RSPH6A: variants seen among roughly 807,000 people sequenced by gnomAD.
RSPH6A encodes radial spoke head protein 6 homolog A.
Under a neutral mutation model 66.1 loss-of-function variants are expected in RSPH6A, and 49 were observed. The ratio of observed to expected loss-of-function variants is 0.74; its 90% CI spans 0.59 to 0.94. The LOEUF is 0.94. Ranked by LOEUF, RSPH6A falls within the 40% of genes least tolerant of loss-of-function variation. The probability of loss-of-function intolerance (pLI) is 0.00; values close to 1 mark genes in which losing one functional copy is unlikely to be tolerated. For missense variants in RSPH6A, 977 were observed against 948.3 expected (o/e 1.03, Z -0.40); for synonymous variants, 419 against 402.4 (o/e 1.04, Z -0.49).
chr19:45,801,301 C>T (rs534459144), intron 4 of RSPH6A, among the ~76,000 whole-genome samples: 5 of 152,294 alleles, frequency 3.3e-5, no homozygotes, highest in African/African-American at 7.2e-5. Flanking sequence ...ATTCCACTCC[C>T]GAGTTGGTCA....
rs148359614 is a variant in RSPH6A, at chr19:45,812,023, C to T, written c.651-1183G>A. Among the ~76,000 whole-genome samples the T allele has an allele frequency of 3.2e-4, 48 of 148,698 alleles. 1 individual carries two copies. The East Asian group carries it at 8.2e-3, about 25-fold the overall frequency. Reference sequence around the variant, plus strand: ...CTCGAACTCCTGACCTCAGGTGATCCGCCCGTCTTGGCCTCCTAAAGTGCT... The same window carrying T: ...CTCGAACTCCTGACCTCAGGTGATCTGCCCGTCTTGGCCTCCTAAAGTGCT... On this transcript the variant is annotated intron_variant, in intron 1 of 5. Coordinates refer to ENST00000221538, the MANE Select transcript of RSPH6A (RefSeq NM_030785.4).
intron 2 of RSPH6A, among the ~76,000 whole-genome samples, chr19:45,808,298 C>T (rs1970572848): frequency 6.6e-6 from 1 of 152,030 alleles, no homozygotes. Flanking sequence ...CGTGGTGGCA[C>T]AGCCTGTAGT....
At chr19:45,811,494 G>C (rs1970627261) in intron 1 of RSPH6A, among the ~76,000 whole-genome samples, 1 of 151,606 alleles carries the variant, frequency 6.6e-6, no homozygotes, top group African/African-American at 2.4e-5. Flanking sequence ...CTGGAGTGCA[G>C]TGGCACGACC....
Position 45,804,868 on chromosome 19 carries a change from C to A in RSPH6A, c.1037G>T (p.Gly346Val). ...GCTGCGTTTGATTCCCAGGATCTTGCCCCAGAAGCGACAGGTGTGGATGGG... is the reference window on the plus strand; with the variant it reads ...GCTGCGTTTGATTCCCAGGATCTTGACCCAGAAGCGACAGGTGTGGATGGG... ...QQPIHTCRFW[G>V]KILGIKRSYL... The change falls in exon 3 of 6, where the codon GGC becomes GTC. Residue 346 changes from glycine (G) to valine (V), a missense_variant. Transcript: ENST00000221538. The surrounding 1 kb of genome is among the most constrained non-coding windows in gnomAD (Gnocchi z 5.8). 6.2e-7 allele frequency: 1 copy of A among 1,614,218 alleles called. No individual in the cohort carries two copies. The highest frequency in any genetic ancestry group is 8.5e-7 in the Non-Finnish European group (1 of 1,180,040).
chr19:45,796,152 AGACTT>A (rs1261008685), intron 5 of RSPH6A, 46 bp from the exon 6 acceptor site: 29 of 1,356,886 alleles, frequency 2.1e-5, no homozygotes, highest in Non-Finnish European at 2.6e-5. Context: ...CAAAGGCCCC[AGACTT>A]GACTTTTTTT....
chr19:45,805,108 T>A, intron 2 of RSPH6A, 92 bp from the exon 3 acceptor site: 2 of 1,161,142 alleles, frequency 1.7e-6, no homozygotes, highest in Non-Finnish European at 2.4e-6. Context: ...TCAAGAGAGC[T>A]AAAAGAGGCC....
At chr19:45,797,971 C>G (rs547702702) in intron 5 of RSPH6A, among the ~76,000 whole-genome samples, 2 of 152,124 alleles carry the variant, frequency 1.3e-5, no homozygotes, top group Non-Finnish European at 2.9e-5. Flanking sequence ...CGAATTCAGC[C>G]TTTCTGCAGA....
At chr19:45,802,503 A>ATT (rs61325479) in intron 3 of RSPH6A, among the ~76,000 whole-genome samples, 3 of 129,292 alleles carry the variant, frequency 2.3e-5, no homozygotes, top group Non-Finnish European at 3.3e-5. Context: ...CACTCATTGA[A>ATT]TTTTTTTTTT....
In RSPH6A at chr19:45,814,565, G is replaced by A. The variant is rs1970676112; in HGVS notation, c.612C>T (p.Ala204=). ...AATTGATGCTGGTCTGCAGCAGGTA[G>A]GCCTTGGCGTTCTGCACGGCCAGCT... The part of the protein sequence containing the change: ...PLELAVQNAK[A]YLLQTSINCD... Residue 204 remains alanine (A), a synonymous_variant, in exon 1 of 6, where the codon GCC becomes GCT. Transcript: ENST00000221538. The A allele has an allele frequency of 1.3e-6, 2 of 1,533,198 alleles. No homozygotes were observed. The highest frequency in any genetic ancestry group is 1.8e-6 in the Non-Finnish European group (2 of 1,140,178). The allele number at this position is 1,533,198 out of a possible 1,614,324, so 95.0% of individuals were successfully genotyped here. A position where few individuals can be genotyped will look rare whatever the true frequency, so the allele number is the denominator to read the frequency against.
At chr19:45,812,884 C>T (rs1001809807) in intron 1 of RSPH6A, among the ~76,000 whole-genome samples, 2 of 151,716 alleles carry the variant, frequency 1.3e-5, no homozygotes, top group Non-Finnish European at 2.9e-5. Context: ...TTAGTAGAGA[C>T]AGGGTTTTGC....
At position 45,815,268 on chromosome 19, in the gene RSPH6A, AC is replaced by A. The variant is rs1970694188; in HGVS notation, c.-93del. 7.4e-7 allele frequency: 1 copy of A among 1,356,766 alleles called. No homozygotes were observed. Among genetic ancestry groups the A allele is most frequent in the African/African-American group, 1.5e-5 (1 of 68,034 alleles). The allele number at this position is 1,356,766 out of a possible 1,614,324, so 84.0% of individuals were successfully genotyped here. A position where few individuals can be genotyped will look rare whatever the true frequency, so the allele number is the denominator to read the frequency against. On this transcript the variant is annotated 5_prime_UTR_variant, in exon 1 of 6. Coordinates refer to ENST00000221538, the MANE Select transcript of RSPH6A (RefSeq NM_030785.4). ...CTGTCGACACCGCCGGTTTCTGAGC[AC>A]CGAGAGAGGGGGCCGTTACCCGTGG...
At chr19:45,806,762 C>T (rs976447557) in intron 2 of RSPH6A, among the ~76,000 whole-genome samples, 10 of 147,004 alleles carry the variant, frequency 6.8e-5, no homozygotes, top group African/African-American at 2.2e-4. Flanking sequence ...GTGTAATGTA[C>T]ATCTGCACGG....
chr19:45,813,256 C>T (rs1970651158), intron 1 of RSPH6A, among the ~76,000 whole-genome samples: 1 of 152,132 alleles, frequency 6.6e-6, no homozygotes, highest in African/African-American at 2.4e-5. Context: ...CTGGCTCACT[C>T]TTCCTCCGGT....
Position 45,795,963 on chromosome 19 carries a change from T to A in RSPH6A, c.2060A>T (p.Gln687Leu). The change falls in exon 6 of 6, where the codon CAG (glutamine) becomes CTG (leucine). Residue 687 changes from glutamine (Q) to leucine (L), a missense_variant. Transcript: ENST00000221538. ...EMSDPTVEEEQALKAAQEQAL... is the reference protein window; with the variant it reads ...EMSDPTVEEELALKAAQEQAL... ...TTGTTCCTGGGCTGCTTTCAGAGCCTGCTCCTCTTCCACTGTGGGGTCACT... is the reference window on the plus strand; with the variant it reads ...TTGTTCCTGGGCTGCTTTCAGAGCCAGCTCCTCTTCCACTGTGGGGTCACT... 6.2e-7 allele frequency: 1 copy of A among 1,613,930 alleles called. No homozygotes were observed.
chr19:45,802,305 G>T (rs996434678), intron 3 of RSPH6A, 41 bp from the exon 4 acceptor site: 7 of 1,316,554 alleles, frequency 5.3e-6, no homozygotes, highest in Non-Finnish European at 5.9e-6. Context: ...CCCAGTGCAC[G>T]GAACCCAGCC....
intron 3 of RSPH6A, among the ~76,000 whole-genome samples, chr19:45,802,503 ATTTTT>A (rs61325479): frequency 2.9e-4 from 38 of 129,266 alleles, no homozygotes; most frequent in South Asian, 1.5e-3. Context: ...CACTCATTGA[ATTTTT>A]TTTTTTTTTT....
At position 45,800,467 on chromosome 19, in the gene RSPH6A, G is replaced by A. The variant is rs45486500; in HGVS notation, c.1895C>T (p.Ala632Val). 378 of 1,613,062 alleles carry A rather than the reference G, an allele frequency of 2.3e-4. No homozygotes were observed. The highest frequency in any genetic ancestry group is 3.1e-4 in the Non-Finnish European group (364 of 1,179,790). Reference protein sequence around the residue: ...AVVRSNLWPGAYAYASGKKFE... With the variant: ...AVVRSNLWPGVYAYASGKKFE... The stretch of plus-strand genomic sequence containing the variant: ...CTACTTGCCACTGGCATAGGCATAG[G>A]CCCCGGGCCAGAGGTTGGAGCGCAC... Residue 632 changes from alanine to valine, a missense_variant, in exon 5 of 6, where the codon GCC becomes GTC. Transcript: ENST00000221538.
intron 2 of RSPH6A, among the ~76,000 whole-genome samples, chr19:45,809,433 T>G (rs12611149): frequency 0.87 from 131,405 of 150,564 alleles, 57,544 homozygotes; most frequent in African/African-American, 0.95. Flanking sequence ...GCCTCCCTAG[T>G]AGCTGGGACT....
intron 1 of RSPH6A, 87 bp from the exon 2 acceptor site, chr19:45,810,927 G>T: frequency 9.2e-7 from 1 of 1,081,344 alleles, no homozygotes; most frequent in Non-Finnish European, 1.3e-6. Flanking sequence ...CCTGTGCCTG[G>T]TGCTGGGGAC....
Sources: gnomAD v4.1 joint callset for allele counts (sites outside exome capture counted in the v4.1 genomes callset) on GRCh38, gnomAD v4.1.1 for gene constraint, Gnocchi (gnomAD v3.1) non-coding constraint, MANE v1.5 for transcripts, NCBI Gene and HGNC (gene_info 2026-07-23, HGNC 2026-07-21) for gene names.